ADSL: variants seen among roughly 807,000 people sequenced by gnomAD.
The protein encoded by ADSL is adenylosuccinate lyase.
A neutral mutation model predicts 62.1 loss-of-function variants in ADSL; 44 were observed. The observed-to-expected ratio is 0.71, with a 90% CI of 0.56 to 0.91. ADSL has a LOEUF of 0.91. Among genes scored for constraint, ADSL ranks in the 40% least tolerant of loss-of-function variants. ADSL has a pLI of 0.00. For synonymous variants in ADSL, 198 were observed against 220.5 expected (o/e 0.90, Z 0.90); for missense variants, 531 against 627.4 (o/e 0.85, Z 1.64).
rs572959078 is a variant in ADSL at position 40,361,111 on chromosome 22, G to A, written c.793-162G>A. 402 of 761,644 alleles carry A rather than the reference G, an allele frequency of 5.3e-4. 2 individuals are homozygous for A. In the East Asian group the frequency reaches 7.8e-3, roughly 15 times the overall value. The allele number at this position is 761,644 out of a possible 1,614,324, so 47.2% of individuals were successfully genotyped here. On this transcript the variant is annotated intron_variant, in intron 7 of 12. Coordinates refer to ENST00000623063, the MANE Select transcript of ADSL (RefSeq NM_000026.4). ...AGTCCTTCGGGAACAGAGAGGAGTC[G>A]GAGTAAGATACTCTGCAGGAGCTCT...
chr22:40,350,133 CTTTTT>C, intron 2 of ADSL, 98 bp downstream of exon 2: 2 of 889,286 alleles, frequency 2.2e-6, no homozygotes, highest in African/African-American at 1.8e-5. Flanking sequence ...CACTATAGAT[CTTTTT>C]TTTTTTTTTG....
intron 4 of ADSL, among the ~76,000 whole-genome samples, chr22:40,357,636 C>T (rs1436939204): frequency 6.6e-6 from 1 of 152,208 alleles, no homozygotes; most frequent in Non-Finnish European, 1.5e-5. Context: ...AGCTGTTCTC[C>T]ATAGCATGAC....
chr22:40,361,729 T>G, intron 9 of ADSL, 94 bp downstream of exon 9: 2 of 1,504,564 alleles, frequency 1.3e-6, no homozygotes, highest in African/African-American at 1.4e-5. Context: ...ATCTCTACAG[T>G]CTCCTTATCC....
At chr22:40,358,826 C>T (rs749834004) in intron 4 of ADSL, 38 bp from the exon 5 acceptor site, 226 of 1,081,084 alleles carry the variant, frequency 2.1e-4, no homozygotes, top group Admixed American at 4.5e-4. Context: ...TTTAAGGTCT[C>T]GGTCTGAGAC....
chr22:40,356,642 C>T (rs1457427002), intron 4 of ADSL, among the ~76,000 whole-genome samples: 1 of 151,124 alleles, frequency 6.6e-6, no homozygotes, highest in Non-Finnish European at 1.5e-5. Flanking sequence ...GCATGGAGTT[C>T]GAGACCAGCC....
At chr22:40,347,745 T>A (rs932502561) in intron 1 of ADSL, among the ~76,000 whole-genome samples, 5 of 152,220 alleles carry the variant, frequency 3.3e-5, no homozygotes, top group Admixed American at 2.6e-4. Flanking sequence ...ACATGGTTGC[T>A]TATTAATCCT....
chr22:40,367,784 G>C lies in ADSL; in HGVS notation c.*1262G>C, dbSNP rs1301936854. The C allele has an allele frequency of 1.3e-5, 2 of 154,262 alleles. No individual in the cohort carries two copies. Among genetic ancestry groups the C allele is most frequent in the Non-Finnish European group, 1.5e-5 (1 of 68,034 alleles). The allele number at this position is 154,262 out of a possible 1,614,324, so 9.6% of individuals were successfully genotyped here. A position where few individuals can be genotyped will look rare whatever the true frequency, so the allele number is the denominator to read the frequency against. On this transcript the variant is annotated 3_prime_UTR_variant, in exon 13 of 13. Coordinates refer to ENST00000623063, the MANE Select transcript of ADSL (RefSeq NM_000026.4). ...CAAAACTGGGAGAATTAACAAGTAT[G>C]TTTATTTGGTAAAATAAGTTTTCAT...
downstream of ADSL, among the ~76,000 whole-genome samples, chr22:40,374,259 C>T (rs542939414): frequency 2.6e-5 from 4 of 152,148 alleles, no homozygotes; most frequent in South Asian, 4.2e-4. Context: ...GCCAATAGGG[C>T]GGTTTTTATA....
intron 2 of ADSL, 47 bp downstream of exon 2, chr22:40,350,082 AT>A: frequency 1.3e-6 from 2 of 1,549,662 alleles, no homozygotes; most frequent in Non-Finnish European, 1.8e-6. Flanking sequence ...TCTAGAATCT[AT>A]TTGTCAATTT....
At chr22:40,378,312 A>G (rs781393541) in intron 2 of ADSL, 1 of 152,310 alleles carries the variant, frequency 6.6e-6, no homozygotes, top group Non-Finnish European at 1.5e-5. Context: ...GTGTGCCTGT[A>G]GTCCTAGCTA....
chr22:40,349,733 T>C, intron 1 of ADSL, 99 bp from the exon 2 acceptor site: 1 of 1,021,174 alleles, frequency 9.8e-7, no homozygotes, highest in African/African-American at 1.6e-5. Context: ...GGAGATAGGG[T>C]AGTGCTGCTA....
At position 40,346,596 on chromosome 22, in the gene ADSL, A is replaced by ACCGCTCACCTCTTGCCTC. The variant is rs2044148138; in HGVS notation, c.44_61dup (p.Ser15_Arg20dup). The ACCGCTCACCTCTTGCCTC allele has an allele frequency of 6.2e-7, 1 of 1,607,736 alleles. No individual in the cohort carries two copies. Among genetic ancestry groups the ACCGCTCACCTCTTGCCTC allele is most frequent in the Non-Finnish European group, 8.5e-7 (1 of 1,177,632 alleles). ...GGCGATCATGGTTCGCCCGACAGCT[A>ACCGCTCACCTCTTGCCTC]CCGCTCACCTCTTGCCTCCCGCTAT... is the stretch of plus-strand genomic sequence containing the variant. On this transcript the variant is annotated inframe_insertion, in exon 1 of 13. Transcript: ENST00000623063.
chr22:40,383,327 C>T (rs1253420848), intron 2 of ADSL, among the ~76,000 whole-genome samples: 1 of 151,954 alleles, frequency 6.6e-6, no homozygotes, highest in African/African-American at 2.4e-5. Context: ...ATTAGCCCGG[C>T]GTGGTGGCAG....
Position 40,366,535 on chromosome 22 carries a change from A to G in ADSL, c.*13A>G. The stretch of plus-strand genomic sequence containing the variant: ...ATTATGTCTGTAGAGTTGGAAGAGA[A>G]TTAAACGAAAATCATTGTTAATTGC... On this transcript the variant is annotated 3_prime_UTR_variant, in exon 13 of 13. Transcript: ENST00000623063. 1 of 1,580,708 alleles carries G rather than the reference A, an allele frequency of 6.3e-7. No individual in the cohort carries two copies. Among genetic ancestry groups the G allele is most frequent in the Non-Finnish European group, 8.7e-7 (1 of 1,149,638 alleles).
intron 1 of ADSL, among the ~76,000 whole-genome samples, chr22:40,349,265 C>T (rs1253473215): frequency 6.6e-6 from 1 of 151,894 alleles, no homozygotes; most frequent in Non-Finnish European, 1.5e-5. Flanking sequence ...GAGAAGATGA[C>T]ATTTGATTCC....
chr22:40,360,515 G>A (rs1828033782), intron 7 of ADSL, 23 bp downstream of exon 7: 9 of 1,583,610 alleles, frequency 5.7e-6, no homozygotes, highest in Non-Finnish European at 7.8e-6. Flanking sequence ...AGCATGTGGG[G>A]TGGGGACAGG....
intron 2 of ADSL, among the ~76,000 whole-genome samples, chr22:40,376,671 G>C (rs184799359): frequency 6.6e-6 from 1 of 152,114 alleles, no homozygotes; most frequent in East Asian, 1.9e-4. Flanking sequence ...CCCATTTACA[G>C]GTGAGACAAC....
intron 6 of ADSL, among the ~76,000 whole-genome samples, chr22:40,359,739 C>G (rs2044708044): frequency 6.6e-6 from 1 of 152,006 alleles, no homozygotes; most frequent in Non-Finnish European, 1.5e-5. Context: ...GACCATGTTG[C>G]CCAGGCTGGT....
chr22:40,360,480 A>C lies in ADSL; in HGVS notation c.780A>C (p.Ala260=). The C allele has an allele frequency of 6.2e-7, 1 of 1,614,000 alleles. No homozygotes were observed. The highest frequency in any genetic ancestry group is 8.5e-7 in the Non-Finnish European group (1 of 1,179,848). ...TGTCTGTGCTGGCTAGCTTGGGGGCATCAGTGCACAAGGTGAGTGGTGGCA... is the reference window on the plus strand; with the variant it reads ...TGTCTGTGCTGGCTAGCTTGGGGGCCTCAGTGCACAAGGTGAGTGGTGGCA... ...EVLSVLASLG[A]SVHKICTDIR... The change falls in exon 7 of 13, where the codon GCA becomes GCC. Residue 260 remains alanine (A), a synonymous_variant. Coordinates refer to ENST00000623063, the MANE Select transcript of ADSL (RefSeq NM_000026.4).
Sources: gnomAD v4.1 joint callset for allele counts (sites outside exome capture counted in the v4.1 genomes callset) on GRCh38, gnomAD v4.1.1 for gene constraint, MANE v1.5 for transcripts, NCBI Gene and HGNC (gene_info 2026-07-23, HGNC 2026-07-21) for gene names.